MSL2: variants seen among roughly 807,000 people sequenced by gnomAD.
The protein encoded by MSL2 is MSL complex subunit 2, also known as E3 ubiquitin-protein ligase MSL2.
MSL2 carries 2 observed loss-of-function variants against 35.8 expected under a neutral mutation model. The observed-to-expected ratio is 0.06, with a 90% CI of 0.02 to 0.18. MSL2 has a LOEUF of 0.18. Among genes scored for constraint, MSL2 ranks in the 10% least tolerant of loss-of-function variants. The pLI is 1.00. For synonymous variants in MSL2, 296 were observed against 255.7 expected (o/e 1.16, Z -1.50); for missense variants, 523 against 706.7 (o/e 0.74, Z 2.95).
intron 1 of MSL2, among the ~76,000 whole-genome samples, chr3:136,191,979 T>C (rs1261158048): frequency 6.6e-6 from 1 of 152,128 alleles, no homozygotes; most frequent in African/African-American, 2.4e-5. Flanking sequence ...CATAAACACC[T>C]ACATGTAAGT....
chr3:136,168,813 C>G (rs1370706983), intron 1 of MSL2, among the ~76,000 whole-genome samples: 2 of 151,906 alleles, frequency 1.3e-5, no homozygotes, highest in Non-Finnish European at 2.9e-5. Flanking sequence ...TTCACTAATT[C>G]TAAAACCAAT....
intron 1 of MSL2, chr3:136,153,023 A>G (rs1421073726): frequency 2.0e-6 from 2 of 985,256 alleles, no homozygotes; most frequent in South Asian, 4.7e-5. Flanking sequence ...CTCTTCCTCC[A>G]AAGGCTATAA....
chr3:136,195,850 G>GGCC lies in MSL2; in HGVS notation c.-740_-738dup, dbSNP rs1269901299. On this transcript the variant is annotated 5_prime_UTR_variant, in exon 1 of 2. Transcript: ENST00000309993. ...GGGAAGGCCGGGGAGGAAGTGCGCG[G>GGCC]GCCGCCGCCGGCGGGCGGGAGGGGG... The GGCC allele has an allele frequency of 1.1e-5, 11 of 982,838 alleles. No homozygotes were observed. The highest frequency in any genetic ancestry group is 9.4e-5 in the South Asian group (2 of 21,264). 60.9% of individuals were successfully genotyped at this position (982,838 alleles called of 1,614,324 possible).
At chr3:136,164,746 A>G (rs774115138) in intron 1 of MSL2, among the ~76,000 whole-genome samples, 18 of 152,200 alleles carry the variant, frequency 1.2e-4, no homozygotes, top group Non-Finnish European at 1.8e-4. Flanking sequence ...AGGAGGAAAT[A>G]TGTCAGTCAC....
intron 1 of MSL2, among the ~76,000 whole-genome samples, chr3:136,172,687 C>CT (rs926817942): frequency 1.6e-4 from 25 of 152,240 alleles, no homozygotes; most frequent in African/African-American, 6.0e-4. Flanking sequence ...TCCTTACTCC[C>CT]TTTCAGTAAT....
At chr3:136,157,079 A>G (rs73222234) in intron 1 of MSL2, among the ~76,000 whole-genome samples, 124 of 152,358 alleles carry the variant, frequency 8.1e-4, no homozygotes, top group Admixed American at 1.5e-3. Flanking sequence ...GTCAATAACC[A>G]AAGCTTTCTT....
Position 136,150,984 on chromosome 3 carries a change from G to C in MSL2, c.*163C>G. ...TTGTAGGGTTACTCCTCCATTATCT[G>C]CAAACTATTTCCCCGACACTAACAC... On this transcript the variant is annotated 3_prime_UTR_variant, in exon 2 of 2. Coordinates refer to ENST00000309993, the MANE Select transcript of MSL2 (RefSeq NM_018133.4). 1 of 749,126 alleles carries C rather than the reference G, an allele frequency of 1.3e-6. No homozygotes were observed. The highest frequency in any genetic ancestry group is 1.9e-5 in the South Asian group (1 of 53,512). The allele number at this position is 749,126 out of a possible 1,614,324, so 46.4% of individuals were successfully genotyped here.
At position 136,184,597 on chromosome 3, in the gene MSL2, C is replaced by G. The variant is rs139899085; in HGVS notation, c.142+10375G>C. 7.4e-3 allele frequency among the ~76,000 whole-genome samples: 1,132 copies of G among 151,994 alleles called. 18 individuals are homozygous for G. Among genetic ancestry groups the G allele is most frequent in the African/African-American group, 0.026 (1,069 of 41,474 alleles). On this transcript the variant is annotated intron_variant, in intron 1 of 1. Transcript: ENST00000309993. ...CAGCCTGGACGACAGAGCGAGACTC[C>G]GTCTCAAAAAAACAAACAAACAAAA...
chr3:136,158,169 G>A (rs772018041), intron 1 of MSL2, among the ~76,000 whole-genome samples: 24 of 151,998 alleles, frequency 1.6e-4, no homozygotes, highest in Non-Finnish European at 2.9e-4. Flanking sequence ...AAAATTAGCC[G>A]GGCGTGGTGG....
intron 1 of MSL2, among the ~76,000 whole-genome samples, chr3:136,161,518 G>A (rs999183211): frequency 6.6e-6 from 1 of 152,162 alleles, no homozygotes; most frequent in South Asian, 2.1e-4. Flanking sequence ...ATGCAATGGA[G>A]TTCAGCAATT....
At chr3:136,162,677 C>T (rs1483606958) in intron 1 of MSL2, among the ~76,000 whole-genome samples, 1 of 152,194 alleles carries the variant, frequency 6.6e-6, no homozygotes, top group Non-Finnish European at 1.5e-5. Flanking sequence ...ATAGATTTTA[C>T]TTTCAAACCA....
At chr3:136,152,981 C>T in intron 1 of MSL2, 1 of 985,398 alleles carries the variant, frequency 1.0e-6, no homozygotes, top group South Asian at 4.7e-5. Flanking sequence ...GTCTCTCTCC[C>T]CAAGCAATAC....
intron 1 of MSL2, among the ~76,000 whole-genome samples, chr3:136,165,519 A>G (rs902558527): frequency 6.6e-6 from 1 of 152,212 alleles, no homozygotes; most frequent in African/African-American, 2.4e-5. Flanking sequence ...AATTTCTGGG[A>G]AAATATAACT....
At chr3:136,155,288 T>A (rs1012922847) in intron 1 of MSL2, among the ~76,000 whole-genome samples, 1 of 152,060 alleles carries the variant, frequency 6.6e-6, no homozygotes, top group South Asian at 2.1e-4. Context: ...ATGGATCACC[T>A]GACGTCAGGA....
intron 1 of MSL2, among the ~76,000 whole-genome samples, chr3:136,163,290 A>G (rs1939760163): frequency 6.6e-6 from 1 of 152,154 alleles, no homozygotes; most frequent in Non-Finnish European, 1.5e-5. Flanking sequence ...TAAATCCTGT[A>G]GCCCTAAAAT....
intron 1 of MSL2, among the ~76,000 whole-genome samples, chr3:136,155,247 G>T (rs1472003971): frequency 6.6e-6 from 1 of 151,264 alleles, no homozygotes; most frequent in Non-Finnish European, 1.5e-5. Context: ...GCTCATGCTT[G>T]TAATCCCAGC....
intron 1 of MSL2, among the ~76,000 whole-genome samples, chr3:136,160,515 G>C (rs1309345368): frequency 6.6e-6 from 1 of 151,094 alleles, no homozygotes; most frequent in Non-Finnish European, 1.5e-5. Context: ...TTCGAGACCA[G>C]CCTGGCCAAC....
chr3:136,155,608 C>T, intron 1 of MSL2: 1 of 346,536 alleles, frequency 2.9e-6, no homozygotes, highest in South Asian at 3.2e-5. Context: ...GAGGAGCCTG[C>T]TTTTCATCCT....
chr3:136,182,314 A>C (rs887025784), intron 1 of MSL2, among the ~76,000 whole-genome samples: 1 of 152,242 alleles, frequency 6.6e-6, no homozygotes, highest in Non-Finnish European at 1.5e-5. Context: ...GTAGGTTTAG[A>C]ATGTGATCTT....
Sources: allele counts gnomAD v4.1 joint callset (sites outside exome capture counted in the v4.1 genomes callset), GRCh38; gene constraint gnomAD v4.1.1; transcripts MANE v1.5; gene names NCBI Gene and HGNC (gene_info 2026-07-23, HGNC 2026-07-21).